The following SHANK2 variants were observed in gnomAD, a reference collection of about 807,000 sequenced individuals.
The protein encoded by SHANK2 is SH3 and multiple ankyrin repeat domains 2.
SHANK2 carries 43 observed loss-of-function variants against 133.7 expected under a neutral mutation model. The observed-to-expected ratio is 0.32, with a 90% CI of 0.25 to 0.41. The LOEUF is 0.41. Ranked by LOEUF, SHANK2 falls within the 10% of genes least tolerant of loss-of-function variation. The probability of loss-of-function intolerance (pLI) is 1.00; values close to 1 mark genes in which losing one functional copy is unlikely to be tolerated. For missense variants in SHANK2, 1,994 were observed against 2,235.8 expected (o/e 0.89, Z 2.18); for synonymous variants, 1,017 against 952.8 (o/e 1.07, Z -1.24).
At chr11:70,736,219 G>C (rs143042763) in intron 14 of SHANK2, among the ~76,000 whole-genome samples, 7 of 152,122 alleles carry the variant, frequency 4.6e-5, no homozygotes, top group African/African-American at 1.4e-4. Context: ...CCAACCGCTC[G>C]TTTCAGAGCT....
chr11:71,107,107 C>A (rs892583327), intron 6 of SHANK2, among the ~76,000 whole-genome samples: 2 of 151,834 alleles, frequency 1.3e-5, no homozygotes, highest in African/African-American at 2.4e-5. Context: ...AGGGGGAGAC[C>A]CTGTCTCAAA....
At chr11:71,100,918 G>A (rs2135162957) in intron 6 of SHANK2, among the ~76,000 whole-genome samples, 1 of 151,842 alleles carries the variant, frequency 6.6e-6, no homozygotes, top group South Asian at 2.1e-4. Context: ...GGCAAGGGAG[G>A]GATGGACGGG....
At chr11:70,560,063 G>C (rs561542479) in intron 17 of SHANK2, among the ~76,000 whole-genome samples, 9 of 152,112 alleles carry the variant, frequency 5.9e-5, no homozygotes, top group African/African-American at 2.2e-4. Context: ...GTAGAGATAG[G>C]GTTTTGGCAT....
At chr11:70,586,554 G>A (rs1009221451) in intron 17 of SHANK2, among the ~76,000 whole-genome samples, 12 of 152,330 alleles carry the variant, frequency 7.9e-5, no homozygotes, top group Non-Finnish European at 5.9e-5. Context: ...AGCTAACTCC[G>A]AGGCGGCCCC....
intron 15 of SHANK2, among the ~76,000 whole-genome samples, chr11:70,666,706 C>T (rs564964626): frequency 2.6e-5 from 4 of 152,282 alleles, no homozygotes; most frequent in East Asian, 3.9e-4. Flanking sequence ...ACGTTCCCCA[C>T]GCTGTGTTGG....
rs111398120 is a variant in SHANK2 at position 71,242,325 on chromosome 11, C to T, written c.-113+10100G>A. 6.2e-3 allele frequency among the ~76,000 whole-genome samples: 948 copies of T among 152,158 alleles called. 9 individuals are homozygous for T. Among genetic ancestry groups the T allele is most frequent in the African/African-American group, 0.022 (910 of 41,490 alleles). ...ACATGGTGACGATGGCTGCAGAGCA[C>T]GATGAGCATCCTTAATGCCTCAGAA... On this transcript the variant is annotated intron_variant, in intron 1 of 25. Coordinates refer to ENST00000601538, the MANE Select transcript of SHANK2 (RefSeq NM_012309.5).
At position 71,108,240 on chromosome 11, in the gene SHANK2, C is replaced by T. The variant is rs149215478; in HGVS notation, c.592+1701G>A. 2.2e-3 allele frequency among the ~76,000 whole-genome samples: 337 copies of T among 152,348 alleles called. 1 individual carries two copies. Among genetic ancestry groups the T allele is most frequent in the African/African-American group, 7.8e-3 (326 of 41,584 alleles). On this transcript the variant is annotated intron_variant, in intron 6 of 25. Coordinates refer to ENST00000601538, the MANE Select transcript of SHANK2 (RefSeq NM_012309.5). ...CACAGGGGCCATCACTGAAGAGAAG[C>T]TGCCACATCAGCGCAGCACGAGACG...
At chr11:70,593,821 G>A (rs2136283271) in intron 17 of SHANK2, among the ~76,000 whole-genome samples, 1 of 152,322 alleles carries the variant, frequency 6.6e-6, no homozygotes, top group South Asian at 2.1e-4. Context: ...GTTATCATTA[G>A]TTCCTTCGTT....
chr11:70,699,368 A>C (rs1190537032), intron 14 of SHANK2, among the ~76,000 whole-genome samples: 1 of 152,110 alleles, frequency 6.6e-6, no homozygotes, highest in Non-Finnish European at 1.5e-5. Flanking sequence ...TGATGTAATT[A>C]GATTTAATGG....
chr11:71,204,296 G>A (rs185682745), intron 2 of SHANK2, among the ~76,000 whole-genome samples: 24 of 152,318 alleles, frequency 1.6e-4, no homozygotes, highest in African/African-American at 4.3e-4. Context: ...TGGTAACTGC[G>A]GCACCAGGCC....
At position 70,468,663 on chromosome 11, in the gene SHANK2, T is replaced by C. The variant is rs1353219411; in HGVS notation, c.*4206A>G. ...CCATTGGAAGCAAAGTCTAGGGGGG[T>C]GCCAAGGTTTGGGAGAAACTATTGG... On this transcript the variant is annotated 3_prime_UTR_variant, in exon 26 of 26. Coordinates refer to ENST00000601538, the MANE Select transcript of SHANK2 (RefSeq NM_012309.5). The C allele has an allele frequency of 6.6e-6, 1 of 151,890 alleles. No individual in the cohort carries two copies. The highest frequency in any genetic ancestry group is 1.5e-5 in the Non-Finnish European group (1 of 67,990). 9.4% of individuals were successfully genotyped at this position (151,890 alleles called of 1,614,324 possible).
At chr11:70,522,372 T>C (rs1554971184) in intron 17 of SHANK2, among the ~76,000 whole-genome samples, 1 of 152,256 alleles carries the variant, frequency 6.6e-6, no homozygotes, top group Non-Finnish European at 1.5e-5. Flanking sequence ...ATTCATTTAT[T>C]CTTGAAAAAG....
chr11:71,123,596 G>C (rs1446452911), intron 3 of SHANK2, among the ~76,000 whole-genome samples: 4 of 152,152 alleles, frequency 2.6e-5, no homozygotes, highest in African/African-American at 9.7e-5. Flanking sequence ...ACCCTTCCTG[G>C]TCCCACTGTT....
Position 71,147,298 on chromosome 11 carries a change from T to C in SHANK2, c.29A>G (p.Asp10Gly). 6.4e-7 allele frequency: 1 copy of C among 1,550,972 alleles called. No individual in the cohort carries two copies. Among genetic ancestry groups the C allele is most frequent in the African/African-American group, 1.4e-5 (1 of 73,172 alleles). ...GTCGGAGAAGCTCTGGGCCATCTCGTCCTCGCTGGATGTTGGGCTGCGCGG... is the reference window on the plus strand; with the variant it reads ...GTCGGAGAAGCTCTGGGCCATCTCGCCCTCGCTGGATGTTGGGCTGCGCGG... MPRSPTSSE[D>G]EMAQSFSDYS... The change falls in exon 3 of 26, where the codon GAC becomes GGC. Residue 10 changes from aspartate to glycine, a missense_variant. By Grantham distance (94) the Asp-to-Gly change is moderately conservative. Around this residue, in one of 5 missense-constraint regions of SHANK2, gnomAD observed 653 missense variants for 563.4 expected, o/e 1.16. Transcript: ENST00000601538.
At position 70,502,198 on chromosome 11, in the gene SHANK2, C is replaced by T. The variant is rs549314228; in HGVS notation, c.2278+8G>A. On this transcript the variant is annotated splice_region_variant and intron_variant, in intron 19 of 25. Transcript: ENST00000601538. ...ACTGTACAGGGCTGGGCCGGGTGTG[C>T]GACTTACCGAGCTCCTCCAGCTCCG... The T allele has an allele frequency of 3.7e-5, 57 of 1,554,284 alleles. No individual in the cohort carries two copies. Among genetic ancestry groups the T allele is most frequent in the East Asian group, 3.3e-4 (14 of 41,864 alleles).
At chr11:70,626,751 T>G (rs1483675571) in intron 17 of SHANK2, among the ~76,000 whole-genome samples, 2 of 152,108 alleles carry the variant, frequency 1.3e-5, no homozygotes, top group African/African-American at 2.4e-5. Flanking sequence ...AAGGTCCAGA[T>G]GCAGCCCCTT....
chr11:71,249,461 A>G (rs1555125521), intron 1 of SHANK2, among the ~76,000 whole-genome samples: 1 of 152,094 alleles, frequency 6.6e-6, no homozygotes, highest in Non-Finnish European at 1.5e-5. Flanking sequence ...GGTTTTTCTC[A>G]GCCACACCCT....
intron 17 of SHANK2, among the ~76,000 whole-genome samples, chr11:70,536,276 G>A (rs1207067148): frequency 2.0e-5 from 3 of 152,324 alleles, no homozygotes; most frequent in Non-Finnish European, 2.9e-5. Context: ...GGGGTGTGGC[G>A]GGCTCATCAC....
At position 70,479,788 on chromosome 11, in the gene SHANK2, G is replaced by T. The variant is rs889070054; in HGVS notation, c.4979+5526C>A. 6.6e-6 allele frequency among the ~76,000 whole-genome samples: 1 copy of T among 152,188 alleles called. No individual in the cohort carries two copies. Among genetic ancestry groups the T allele is most frequent in the African/African-American group, 2.4e-5 (1 of 41,436 alleles). On this transcript the variant is annotated intron_variant, in intron 25 of 25. Coordinates refer to ENST00000601538, the MANE Select transcript of SHANK2 (RefSeq NM_012309.5). This position sits in a 1 kb window ranked among gnomAD's most constrained non-coding sequence, Gnocchi z 4.4. ...AGATTTATCTGGCTTTACTATCGGC[G>T]CCTGGTATGTGTCAGTATCTCTCAA...
Sources: gnomAD v4.1 joint callset for allele counts (sites outside exome capture counted in the v4.1 genomes callset) on GRCh38, gnomAD v4.1.1 for gene constraint, gnomAD v4.1.1 regional missense constraint, Gnocchi (gnomAD v3.1) non-coding constraint, MANE v1.5 for transcripts, NCBI Gene and HGNC (gene_info 2026-07-23, HGNC 2026-07-21) for gene names.